Variants in PTGER4 observed in about 807,000 individuals in gnomAD.
The protein encoded by PTGER4 is prostaglandin E receptor 4.
PTGER4 carries 11 observed loss-of-function variants against 33.2 expected under a neutral mutation model. The ratio of observed to expected loss-of-function variants is 0.33; its 90% CI spans 0.21 to 0.55. The LOEUF (loss-of-function observed/expected upper bound fraction) is 0.55, where lower values mean the gene tolerates loss of function less well. Ranked by LOEUF, PTGER4 falls within the 20% of genes least tolerant of loss-of-function variation. The pLI, the probability that PTGER4 is intolerant of heterozygous loss-of-function variation, is 0.92. For synonymous variants in PTGER4, 275 were observed against 281.5 expected, an observed-to-expected ratio of 0.98 and a Z score of 0.23; for missense variants, 481 against 650.2, an observed-to-expected ratio of 0.74 and a Z score of 2.83.
intron 2 of PTGER4, among the ~76,000 whole-genome samples, chr5:40,689,560 T>A (rs1427364452): frequency 2.0e-5 from 3 of 152,214 alleles, no homozygotes; most frequent in Non-Finnish European, 4.4e-5. Context: ...ATCTAGTAAG[T>A]GCCAAAGGAA....
the PTGER4 span, among the ~76,000 whole-genome samples, chr5:40,730,088 T>C: frequency 6.6e-6 from 1 of 152,290 alleles, no homozygotes; most frequent in East Asian, 1.9e-4. Context: ...GCAAATGAAT[T>C]TCCAGTTTTA....
chr5:40,690,507 T>C (rs1255290159), intron 2 of PTGER4, among the ~76,000 whole-genome samples: 2 of 152,232 alleles, frequency 1.3e-5, no homozygotes, highest in East Asian at 3.8e-4. Flanking sequence ...CTACCTCTAT[T>C]TGAAATGTGA....
intron 2 of PTGER4, among the ~76,000 whole-genome samples, chr5:40,687,708 T>C (rs930774062): frequency 1.3e-5 from 2 of 152,214 alleles, no homozygotes; most frequent in African/African-American, 4.8e-5. Flanking sequence ...TATTGATTCT[T>C]TTCAATCTAA....
chr5:40,745,421 T>C, the PTGER4 span, among the ~76,000 whole-genome samples: 5 of 152,132 alleles, frequency 3.3e-5, no homozygotes, highest in Non-Finnish European at 5.9e-5. Flanking sequence ...TATGCAATTA[T>C]GTATGCCTGT....
the PTGER4 span, among the ~76,000 whole-genome samples, chr5:40,711,174 G>A: frequency 6.6e-6 from 1 of 151,866 alleles, no homozygotes; most frequent in Admixed American, 6.6e-5. Context: ...CTTCTATCCA[G>A]TAGAAAGGAA....
the PTGER4 span, among the ~76,000 whole-genome samples, chr5:40,711,760 G>T: frequency 1.5e-4 from 23 of 151,952 alleles, no homozygotes; most frequent in Non-Finnish European, 2.5e-4. Context: ...AACATGGATG[G>T]GTTTCAAAAG....
chr5:40,718,405 C>CA, the PTGER4 span, among the ~76,000 whole-genome samples: 3 of 149,758 alleles, frequency 2.0e-5, no homozygotes, highest in Admixed American at 2.0e-4. Context: ...GACTCTGTCT[C>CA]AAAAAAAATA....
chr5:40,732,764 A>G, the PTGER4 span, among the ~76,000 whole-genome samples: 2 of 152,048 alleles, frequency 1.3e-5, no homozygotes, highest in African/African-American at 4.8e-5. Flanking sequence ...ACATGCCACC[A>G]CACCTGGCTA....
chr5:40,702,449 C>T, the PTGER4 span, among the ~76,000 whole-genome samples: 1 of 152,184 alleles, frequency 6.6e-6, no homozygotes, highest in African/African-American at 2.4e-5. Flanking sequence ...GGGTTCAATT[C>T]AACAAGAAGA....
chr5:40,725,211 T>C, the PTGER4 span, among the ~76,000 whole-genome samples: 1 of 149,496 alleles, frequency 6.7e-6, no homozygotes, highest in Non-Finnish European at 1.5e-5. Context: ...TGGTCCAAAC[T>C]CCTGGCCTCA....
chr5:40,681,629 CA>C lies in PTGER4; in HGVS notation c.637del (p.Met213CysfsTer108), dbSNP rs1561126942. The C allele has an allele frequency of 6.2e-7, 1 of 1,603,684 alleles. No individual in the cohort carries two copies. Among genetic ancestry groups the C allele is most frequent in the Admixed American group, 1.7e-5 (1 of 59,870 alleles). ...NVLVCGALLR[M>X]HRQFMRRTSL... ...TGCTTGTGTGCGGCGCGCTGCTCCG[CA>C]TGCACCGCCAGTTCATGCGCCGCAC... On this transcript the variant is annotated frameshift_variant, in exon 2 of 3. Coordinates refer to ENST00000302472, the MANE Select transcript of PTGER4 (RefSeq NM_000958.3). LOFTEE classifies it high-confidence loss of function. The surrounding 1 kb of genome is among the most constrained non-coding windows in gnomAD (Gnocchi z 9.8).
intron 2 of PTGER4, chr5:40,685,626 A>C (rs1470698544): frequency 1.7e-5 from 3 of 172,336 alleles, no homozygotes; most frequent in Non-Finnish European, 3.5e-5. Context: ...ACTATTGAGT[A>C]ACATAAAAGT....
the PTGER4 span, chr5:40,716,330 G>A: frequency 6.2e-7 from 1 of 1,614,160 alleles, no homozygotes; most frequent in Non-Finnish European, 8.5e-7. Context: ...TCATAGTCTG[G>A]AATTGACTTT....
At chr5:40,730,925 C>T in the PTGER4 span, among the ~76,000 whole-genome samples, 2 of 151,978 alleles carry the variant, frequency 1.3e-5, no homozygotes, top group Admixed American at 1.3e-4. Context: ...AAAGTATATA[C>T]AACATTAAAT....
chr5:40,730,904 TA>T, the PTGER4 span, among the ~76,000 whole-genome samples: 1 of 152,114 alleles, frequency 6.6e-6, no homozygotes, highest in Non-Finnish European at 1.5e-5. Context: ...TGATTATTTA[TA>T]ATAATAATAA....
chr5:40,703,473 CA>C, the PTGER4 span, among the ~76,000 whole-genome samples: 1 of 152,270 alleles, frequency 6.6e-6, no homozygotes, highest in Non-Finnish European at 1.5e-5. Context: ...AGACCAATAA[CA>C]AGCTCTGAAA....
Position 40,692,611 on chromosome 5 carries a change from ACT to A in PTGER4, c.*234_*235del. 2 of 1,271,602 alleles carry A rather than the reference ACT, an allele frequency of 1.6e-6. No individual in the cohort carries two copies. The highest frequency in any genetic ancestry group is 3.3e-5 in the East Asian group (1 of 30,120). 78.8% of individuals were successfully genotyped at this position (1,271,602 alleles called of 1,614,324 possible). A position where few individuals can be genotyped will look rare whatever the true frequency, so the allele number is the denominator to read the frequency against. ...ACTATGACAGAGGATTGTGGTCACA[ACT>A]TGATGGCTGCGAAGACCTACCCTCC... On this transcript the variant is annotated 3_prime_UTR_variant, in exon 3 of 3. Transcript: ENST00000302472.
At position 40,680,719 on chromosome 5, in the gene PTGER4, A is replaced by C. The variant is rs969851780; in HGVS notation, c.-43-232A>C. 1.3e-5 allele frequency among the ~76,000 whole-genome samples: 2 copies of C among 152,208 alleles called. No individual in the cohort carries two copies. The highest frequency in any genetic ancestry group is 2.9e-5 in the Non-Finnish European group (2 of 68,038). On this transcript the variant is annotated intron_variant, in intron 1 of 2. Transcript: ENST00000302472. The surrounding 1 kb of genome is among the most constrained non-coding windows in gnomAD (Gnocchi z 5.5). Reference sequence around the variant, plus strand: ...AGTTGGATTGTGGGGAGGAAGAGGAATGGGAAAATCAGTTTATAAATATTA... The same window carrying C: ...AGTTGGATTGTGGGGAGGAAGAGGACTGGGAAAATCAGTTTATAAATATTA...
At chr5:40,742,890 A>G in the PTGER4 span, among the ~76,000 whole-genome samples, 1 of 152,212 alleles carries the variant, frequency 6.6e-6, no homozygotes, top group Admixed American at 6.5e-5. Flanking sequence ...AATGGTAGCT[A>G]GCTTATAAAA....
Sources: allele counts gnomAD v4.1 joint callset (sites outside exome capture counted in the v4.1 genomes callset), GRCh38; gene constraint gnomAD v4.1.1; non-coding constraint Gnocchi (gnomAD v3.1); transcripts MANE v1.5; gene names NCBI Gene and HGNC (gene_info 2026-07-23, HGNC 2026-07-21).